SKAP1: variants seen among roughly 807,000 people sequenced by gnomAD.
SKAP1 encodes src kinase associated phosphoprotein 1.
In SKAP1, 44 loss-of-function variants were observed where a neutral mutation model predicts 58.5. That is an observed-to-expected ratio of 0.75 (90% CI 0.59 to 0.97). The LOEUF is 0.97. Ranked by LOEUF, SKAP1 falls within the 50% of genes least tolerant of loss-of-function variation. The probability of loss-of-function intolerance (pLI) is 0.00; values close to 1 mark genes in which losing one functional copy is unlikely to be tolerated. For missense variants in SKAP1, 390 were observed against 435.2 expected, an observed-to-expected ratio of 0.90 and a Z score of 0.92; for synonymous variants, 127 against 149.7, an observed-to-expected ratio of 0.85 and a Z score of 1.11.
intron 11 of SKAP1, among the ~76,000 whole-genome samples, chr17:48,151,468 A>C (rs1434989441): frequency 6.6e-6 from 1 of 152,194 alleles, no homozygotes; most frequent in African/African-American, 2.4e-5. Flanking sequence ...TCATCCACAA[A>C]AAGAAGACAC....
chr17:48,417,650 T>A (rs1356178268), intron 1 of SKAP1, among the ~76,000 whole-genome samples: 1 of 150,442 alleles, frequency 6.6e-6, no homozygotes, highest in Non-Finnish European at 1.5e-5. Context: ...GAGGTGGAGG[T>A]GTGAGAATCA....
At chr17:48,368,401 G>C (rs1199004030) in intron 2 of SKAP1, among the ~76,000 whole-genome samples, 1 of 152,154 alleles carries the variant, frequency 6.6e-6, no homozygotes, top group Non-Finnish European at 1.5e-5. Flanking sequence ...AGTCCAACAA[G>C]TCTGAGACTA....
intron 1 of SKAP1, among the ~76,000 whole-genome samples, chr17:48,400,066 A>G (rs2067476915): frequency 6.6e-6 from 1 of 151,872 alleles, no homozygotes; most frequent in Non-Finnish European, 1.5e-5. Context: ...TATAAGATCA[A>G]TGTAAAAAAA....
upstream of SKAP1, among the ~76,000 whole-genome samples, chr17:48,433,851 C>T (rs2067929590): frequency 6.6e-6 from 1 of 152,170 alleles, no homozygotes; most frequent in Non-Finnish European, 1.5e-5. Context: ...TCTACATGTT[C>T]TCATGCCAGG....
At chr17:48,184,039 A>G (rs1351054082) in intron 7 of SKAP1, among the ~76,000 whole-genome samples, 1 of 152,214 alleles carries the variant, frequency 6.6e-6, no homozygotes, top group African/African-American at 2.4e-5. Context: ...GAAAATCACT[A>G]TATTTCCACA....
At chr17:48,318,946 C>A (rs1030159126) in intron 4 of SKAP1, among the ~76,000 whole-genome samples, 4 of 152,130 alleles carry the variant, frequency 2.6e-5, no homozygotes, top group Admixed American at 2.6e-4. Flanking sequence ...GAATTCCCAA[C>A]TTAATGTAAA....
At chr17:48,252,207 T>C (rs1415463784) in intron 4 of SKAP1, among the ~76,000 whole-genome samples, 4 of 150,408 alleles carry the variant, frequency 2.7e-5, no homozygotes, top group Non-Finnish European at 5.9e-5. Context: ...AAATAATATA[T>C]GTAAGCGAGA....
At chr17:48,348,560 G>T (rs751900929) in intron 3 of SKAP1, among the ~76,000 whole-genome samples, 2 of 151,928 alleles carry the variant, frequency 1.3e-5, no homozygotes, top group African/African-American at 2.4e-5. Flanking sequence ...TTACATAATT[G>T]AGGTCTATCT....
At chr17:48,184,918 T>C (rs2064426142) in intron 6 of SKAP1, 71 bp from the exon 7 acceptor site, 1 of 1,485,888 alleles carries the variant, frequency 6.7e-7, no homozygotes, top group African/African-American at 1.4e-5. Flanking sequence ...CTCTCTGGTA[T>C]GTAAAATAAA....
chr17:48,209,531 G>A (rs534189116), intron 4 of SKAP1, among the ~76,000 whole-genome samples: 1 of 152,252 alleles, frequency 6.6e-6, no homozygotes, highest in East Asian at 1.9e-4. Context: ...CTGTAACAGG[G>A]GAATGATCAC....
chr17:48,398,535 AC>A (rs2067451271), intron 1 of SKAP1, among the ~76,000 whole-genome samples: 3 of 151,244 alleles, frequency 2.0e-5, no homozygotes, highest in Admixed American at 2.0e-4. Flanking sequence ...CCATCCCCCC[AC>A]CCCCGGTCCA....
intron 4 of SKAP1, among the ~76,000 whole-genome samples, chr17:48,195,452 A>C (rs1408978503): frequency 1.3e-5 from 2 of 152,190 alleles, no homozygotes; most frequent in African/African-American, 4.8e-5. Context: ...ATTGTGCTTC[A>C]CTTATAAAGG....
intron 4 of SKAP1, among the ~76,000 whole-genome samples, chr17:48,196,092 T>G (rs892834044): frequency 6.6e-6 from 1 of 152,236 alleles, no homozygotes; most frequent in African/African-American, 2.4e-5. Context: ...GAGGCATGTT[T>G]TATTATCATC....
intron 4 of SKAP1, among the ~76,000 whole-genome samples, chr17:48,302,759 A>T (rs2066078046): frequency 6.6e-6 from 1 of 152,196 alleles, no homozygotes; most frequent in Non-Finnish European, 1.5e-5. Context: ...CCTCTTTGTC[A>T]CTATTTGGTT....
intron 4 of SKAP1, among the ~76,000 whole-genome samples, chr17:48,225,516 G>A (rs1432384197): frequency 6.6e-6 from 1 of 152,140 alleles, no homozygotes; most frequent in African/African-American, 2.4e-5. Flanking sequence ...TAAATAGAAA[G>A]CATTGTTCAG....
At chr17:48,263,735 G>A (rs977694876) in intron 4 of SKAP1, among the ~76,000 whole-genome samples, 1 of 152,150 alleles carries the variant, frequency 6.6e-6, no homozygotes, top group Admixed American at 6.5e-5. Context: ...AAGAGGCGGT[G>A]AACTCCAGTC....
At chr17:48,141,437 G>C (rs963809906) in intron 11 of SKAP1, among the ~76,000 whole-genome samples, 1 of 151,924 alleles carries the variant, frequency 6.6e-6, no homozygotes, top group Non-Finnish European at 1.5e-5. Context: ...GGAGTGCACT[G>C]ACACGATCTC....
At chr17:48,412,806 A>G (rs2144586289) in intron 1 of SKAP1, among the ~76,000 whole-genome samples, 1 of 152,294 alleles carries the variant, frequency 6.6e-6, no homozygotes, top group Middle Eastern at 3.4e-3. Context: ...TCCCCCAATG[A>G]TGTCACTAAG....
At chr17:48,197,725 G>T (rs1158590273) in intron 4 of SKAP1, among the ~76,000 whole-genome samples, 1 of 152,256 alleles carries the variant, frequency 6.6e-6, no homozygotes, top group East Asian at 1.9e-4. Flanking sequence ...GGATTTTAAA[G>T]CCAAATATCC....
Sources: gnomAD v4.1 joint callset for allele counts (sites outside exome capture counted in the v4.1 genomes callset) on GRCh38, gnomAD v4.1.1 for gene constraint, MANE v1.5 for transcripts, NCBI Gene and HGNC (gene_info 2026-07-23, HGNC 2026-07-21) for gene names.